Variants in RGS7 observed in about 807,000 individuals in gnomAD.
The protein encoded by RGS7 is regulator of G protein signaling 7, also known as regulator of G-protein signaling 7.
A neutral mutation model predicts 81.1 loss-of-function variants in RGS7; 27 were observed. That is an observed-to-expected ratio of 0.33 (90% CI 0.25 to 0.46). The LOEUF (loss-of-function observed/expected upper bound fraction) is 0.46. Among genes scored for constraint, RGS7 ranks in the 20% least tolerant of loss-of-function variants. The probability of loss-of-function intolerance (pLI) is 1.00; values close to 1 mark genes in which losing one functional copy is unlikely to be tolerated. For synonymous variants in RGS7, 208 were observed against 207.7 expected (o/e 1.00, Z -0.01); for missense variants, 396 against 607.4 (o/e 0.65, Z 3.66).
At chr1:240,805,849 T>C (rs1046331113) in intron 15 of RGS7, among the ~76,000 whole-genome samples, 2 of 152,168 alleles carry the variant, frequency 1.3e-5, no homozygotes. Context: ...TGGTGTTTGC[T>C]CACTTACTGG....
rs78749570 is a variant in RGS7 at position 240,976,163 on chromosome 1, G to C, written c.226+6916C>G. Among the ~76,000 whole-genome samples, 94 of 152,334 alleles carry C rather than the reference G, an allele frequency of 6.2e-4. 1 individual carries two copies. Among genetic ancestry groups the C allele is most frequent in the African/African-American group, 2.2e-3 (92 of 41,566 alleles). On this transcript the variant is annotated intron_variant, in intron 4 of 18. Coordinates refer to ENST00000440928, the MANE Select transcript of RGS7 (RefSeq NM_001364886.1). ...TGGAGTTACTTTCATGTAACTGAGA[G>C]TAAAATAGCAAAATAGCACAGGGCT... is the stretch of plus-strand genomic sequence containing the variant.
intron 2 of RGS7, among the ~76,000 whole-genome samples, chr1:241,336,467 G>A (rs1226276556): frequency 5.3e-5 from 8 of 152,196 alleles, no homozygotes; most frequent in Non-Finnish European, 1.0e-4. Flanking sequence ...AATCCAGACA[G>A]AAATATTATT....
rs750104996 is a variant in RGS7, at chr1:240,906,778, A to G, written c.385+23939T>C. On this transcript the variant is annotated intron_variant, in intron 6 of 18. Transcript: ENST00000440928. ...GGCTCAAAGAGGAGCCTCTTTAACA[A>G]GAACCCAACACCTCAAACCTAGCAA... Among the ~76,000 whole-genome samples the G allele has an allele frequency of 1.2e-3, 176 of 152,334 alleles. 1 individual carries two copies. The highest frequency in any genetic ancestry group is 1.0e-3 in the Non-Finnish European group (68 of 68,030).
intron 2 of RGS7, among the ~76,000 whole-genome samples, chr1:241,299,215 C>G (rs1339025607): frequency 6.6e-6 from 1 of 152,172 alleles, no homozygotes; most frequent in Non-Finnish European, 1.5e-5. Flanking sequence ...TGAAAACTTT[C>G]AAGTTTCCCT....
intron 2 of RGS7, among the ~76,000 whole-genome samples, chr1:241,119,431 C>G (rs1408811794): frequency 6.6e-6 from 1 of 152,122 alleles, no homozygotes; most frequent in Non-Finnish European, 1.5e-5. Flanking sequence ...GCTACTATAC[C>G]AAAACTCCAC....
chr1:241,121,833 T>G (rs2066284010), intron 2 of RGS7, among the ~76,000 whole-genome samples: 1 of 144,738 alleles, frequency 6.9e-6, no homozygotes, highest in Non-Finnish European at 1.5e-5. Flanking sequence ...TTCTCCTCCC[T>G]AGTAGCTGGG....
chr1:241,117,007 T>A (rs971393001), intron 2 of RGS7, among the ~76,000 whole-genome samples: 11 of 152,124 alleles, frequency 7.2e-5, no homozygotes, highest in Non-Finnish European at 1.5e-4. Flanking sequence ...AACCGATAGA[T>A]GTAAGGTTAC....
chr1:240,944,317 T>C (rs1341786823), intron 4 of RGS7, among the ~76,000 whole-genome samples: 1 of 131,062 alleles, frequency 7.6e-6, no homozygotes, highest in African/African-American at 2.9e-5. Flanking sequence ...TATATATATA[T>C]ATATATATAT....
chr1:240,809,565 T>C (rs1689482004), intron 14 of RGS7, among the ~76,000 whole-genome samples: 1 of 152,140 alleles, frequency 6.6e-6, no homozygotes, highest in Admixed American at 6.6e-5. Context: ...TTACATGCAA[T>C]CTGACCTCCT....
At chr1:240,893,927 C>T (rs1382453106) in intron 6 of RGS7, among the ~76,000 whole-genome samples, 3 of 152,112 alleles carry the variant, frequency 2.0e-5, no homozygotes, top group Non-Finnish European at 4.4e-5. Context: ...TTTCTTTTAT[C>T]CAAACTGCTT....
At chr1:241,291,570 C>CCTTTTT (rs2079088264) in intron 2 of RGS7, among the ~76,000 whole-genome samples, 4 of 94,158 alleles carry the variant, frequency 4.2e-5, no homozygotes, top group Admixed American at 1.5e-4. Flanking sequence ...GAATTCCCAG[C>CCTTTTT]TTTTTTTTTT....
chr1:240,823,177 A>AAC, intron 10 of RGS7: 1 of 1,081,408 alleles, frequency 9.2e-7, no homozygotes, highest in Non-Finnish European at 1.4e-6. Flanking sequence ...GTCCTCTTTG[A>AAC]AGGTATGCAG....
chr1:241,054,296 A>T (rs2061383052), intron 3 of RGS7, among the ~76,000 whole-genome samples: 1 of 152,216 alleles, frequency 6.6e-6, no homozygotes, highest in South Asian at 2.1e-4. Flanking sequence ...ACACTGAGAG[A>T]TGGCTTTGTC....
chr1:241,205,811 A>G lies in RGS7; in HGVS notation c.79-107049T>C, dbSNP rs77082179. On this transcript the variant is annotated intron_variant, in intron 2 of 18. Transcript: ENST00000440928. ...TAATCTTAACTTTAAAGATGCTCCTATGAATAATACTAATAAGGTCCCAGG... is the reference window on the plus strand; with the variant it reads ...TAATCTTAACTTTAAAGATGCTCCTGTGAATAATACTAATAAGGTCCCAGG... Among the ~76,000 whole-genome samples, 8 of 152,214 alleles carry G rather than the reference A, an allele frequency of 5.3e-5. No individual in the cohort carries two copies. The East Asian group carries it at 9.7e-4, about 18-fold the overall frequency.
At chr1:240,817,197 T>C (rs1418477) in intron 10 of RGS7, among the ~76,000 whole-genome samples, 104,223 of 152,066 alleles carry the variant, frequency 0.69, 36,542 homozygotes, top group Non-Finnish European at 0.78. Context: ...ATCTCACGTG[T>C]CAACTCAAGG....
chr1:241,137,075 C>T (rs2067574097), intron 2 of RGS7, among the ~76,000 whole-genome samples: 1 of 152,106 alleles, frequency 6.6e-6, no homozygotes, highest in Non-Finnish European at 1.5e-5. Context: ...ATGTATGGTC[C>T]CTGAGGGCTC....
intron 9 of RGS7, among the ~76,000 whole-genome samples, chr1:240,836,132 G>T (rs974776133): frequency 1.4e-5 from 2 of 145,814 alleles, no homozygotes; most frequent in Non-Finnish European, 3.0e-5. Context: ...CAAATGTACC[G>T]CTCTGGTGGG....
intron 3 of RGS7, among the ~76,000 whole-genome samples, chr1:241,075,476 T>G (rs2062738673): frequency 6.6e-6 from 1 of 152,094 alleles, no homozygotes; most frequent in Admixed American, 6.6e-5. Context: ...ATCTCAGAAT[T>G]TTCCATATAC....
chr1:241,351,854 G>T (rs948488657), intron 2 of RGS7, among the ~76,000 whole-genome samples: 1 of 152,150 alleles, frequency 6.6e-6, no homozygotes, highest in Non-Finnish European at 1.5e-5. Context: ...TTTCTTTTCT[G>T]ACAGCTTGAG....
Sources: allele counts gnomAD v4.1 joint callset (sites outside exome capture counted in the v4.1 genomes callset), GRCh38; gene constraint gnomAD v4.1.1; transcripts MANE v1.5; gene names NCBI Gene and HGNC (gene_info 2026-07-23, HGNC 2026-07-21).